KIF5A: variants seen among roughly 807,000 people sequenced by gnomAD.
KIF5A encodes the protein kinesin family member 5A.
A neutral mutation model predicts 141.3 loss-of-function variants in KIF5A; 35 were observed. The ratio of observed to expected loss-of-function variants is 0.25; its 90% CI spans 0.19 to 0.33. The LOEUF (loss-of-function observed/expected upper bound fraction) is 0.33. Ranked by LOEUF, KIF5A falls within the 10% of genes least tolerant of loss-of-function variation. KIF5A has a pLI of 1.00. For synonymous variants in KIF5A, 448 were observed against 500.2 expected (o/e 0.90, Z 1.39); for missense variants, 861 against 1,314.3 (o/e 0.66, Z 5.33).
At chr12:57,567,887 CT>C (rs538379606) in intron 8 of KIF5A, among the ~76,000 whole-genome samples, 260 of 140,916 alleles carry the variant, frequency 1.8e-3, no homozygotes, top group African/African-American at 2.7e-3. Flanking sequence ...GTCCTTGGCT[CT>C]TTTTTTTTTT....
rs1371488843 is a variant in KIF5A, at chr12:57,586,434, C to T, written c.*2253C>T. On this transcript the variant is annotated 3_prime_UTR_variant, in exon 29 of 29. Coordinates refer to ENST00000455537, the MANE Select transcript of KIF5A (RefSeq NM_004984.4). ...CACCAGAAGCTTCACACTACATCCT[C>T]CTCCTCCTCCTGCTCCCCACCTTCA... 1.3e-5 allele frequency: 2 copies of T among 152,470 alleles called. No homozygotes were observed. The highest frequency in any genetic ancestry group is 4.8e-5 in the African/African-American group (2 of 41,442). The allele number at this position is 152,470 out of a possible 1,614,324, so 9.4% of individuals were successfully genotyped here.
At chr12:57,566,768 A>C (rs11172250) in intron 6 of KIF5A, among the ~76,000 whole-genome samples, 2 of 150,962 alleles carry the variant, frequency 1.3e-5, no homozygotes, top group East Asian at 3.9e-4. Flanking sequence ...AAAGCAGGGC[A>C]TGGTGGCTCA....
intron 25 of KIF5A, 149 bp from the exon 26 acceptor site, chr12:57,581,721 C>G: frequency 8.2e-7 from 1 of 1,212,796 alleles, no homozygotes; most frequent in Non-Finnish European, 1.2e-6. Context: ...TGTCTGCCCT[C>G]CCAGCCTGTG....
Position 57,572,743 on chromosome 12 carries a change from AG to A in KIF5A, c.1716+18del. 6.2e-7 allele frequency: 1 copy of A among 1,614,222 alleles called. No homozygotes were observed. The highest frequency in any genetic ancestry group is 8.5e-7 in the Non-Finnish European group (1 of 1,180,018). ...ATTAAGCTGGTGAGTGGTGAGAGAC[AG>A]CAGCCTTGTTCAGGCTGGGCACTAG... On this transcript the variant is annotated intron_variant, in intron 15 of 28. Coordinates refer to ENST00000455537, the MANE Select transcript of KIF5A (RefSeq NM_004984.4). The surrounding 1 kb of genome is among the most constrained non-coding windows in gnomAD (Gnocchi z 4.2).
intron 24 of KIF5A, 89 bp downstream of exon 24, chr12:57,581,261 T>C: frequency 6.7e-7 from 1 of 1,498,296 alleles, no homozygotes. Context: ...TTATTGCTTC[T>C]TACCTACCCC....
chr12:57,571,188 A>G, intron 12 of KIF5A, 133 bp from the exon 13 acceptor site: 1 of 704,082 alleles, frequency 1.4e-6, no homozygotes. Context: ...TTCCTGTAGG[A>G]TATGGGGTTT....
At position 57,578,027 on chromosome 12, in the gene KIF5A, C is replaced by T; in HGVS notation, c.2380C>T (p.Leu794Phe). 1 of 1,614,070 alleles carries T rather than the reference C, an allele frequency of 6.2e-7. No homozygotes were observed. Among genetic ancestry groups the T allele is most frequent in the Non-Finnish European group, 8.5e-7 (1 of 1,179,992 alleles). The change falls in exon 22 of 29, where the codon CTC becomes TTC. Residue 794 changes from leucine to phenylalanine, a missense_variant. Leu to Phe is a conservative substitution (Grantham distance 22, BLOSUM62 0). Around this residue, in one of 5 missense-constraint regions of KIF5A, gnomAD observed 482 missense variants for 661.3 expected, o/e 0.73. Coordinates refer to ENST00000455537, the MANE Select transcript of KIF5A (RefSeq NM_004984.4). Reference sequence around the variant, plus strand: ...TTTCCAGGCCCGGGAACTCCAGACCCTCCACAACCTTCGCAAGCTGTTCGT... The same window carrying T: ...TTTCCAGGCCCGGGAACTCCAGACCTTCCACAACCTTCGCAAGCTGTTCGT... ...EETVARELQTLHNLRKLFVQD... is the reference protein window; with the variant it reads ...EETVARELQTFHNLRKLFVQD...
chr12:57,560,095 T>C (rs1159450794), intron 1 of KIF5A, among the ~76,000 whole-genome samples: 1 of 152,188 alleles, frequency 6.6e-6, no homozygotes, highest in Non-Finnish European at 1.5e-5. Flanking sequence ...TTTCACCATG[T>C]TGGCCAGGCT....
rs547075316 is a variant in KIF5A at position 57,568,660 on chromosome 12, G to C, written c.715-303G>C. 1.5e-4 allele frequency among the ~76,000 whole-genome samples: 23 copies of C among 152,204 alleles called. No individual in the cohort carries two copies. The East Asian group carries it at 2.9e-3, about 19-fold the overall frequency. On this transcript the variant is annotated intron_variant, in intron 8 of 28. Coordinates refer to ENST00000455537, the MANE Select transcript of KIF5A (RefSeq NM_004984.4). ...TAACCGCTTGAACCTGGGAGGCGGAGGTTGTGGTGAGCTGAGATCGCACCA... is the reference window on the plus strand; with the variant it reads ...TAACCGCTTGAACCTGGGAGGCGGACGTTGTGGTGAGCTGAGATCGCACCA...
chr12:57,579,965 C>T (rs908079470), intron 23 of KIF5A, among the ~76,000 whole-genome samples: 2 of 152,144 alleles, frequency 1.3e-5, no homozygotes, highest in Non-Finnish European at 2.9e-5. Context: ...CCTCAGCAGA[C>T]ACAAGAGTAA....
chr12:57,566,768 A>G (rs11172250), intron 6 of KIF5A, among the ~76,000 whole-genome samples: 69,314 of 151,026 alleles, frequency 0.46, 16,511 homozygotes, highest in East Asian at 0.77. Context: ...AAAGCAGGGC[A>G]TGGTGGCTCA....
intron 20 of KIF5A, 151 bp downstream of exon 20, chr12:57,577,013 A>C: frequency 3.1e-6 from 2 of 655,126 alleles, no homozygotes; most frequent in Non-Finnish European, 5.6e-6. Flanking sequence ...CCAAAAGGAC[A>C]CTCTCAGCAA....
Position 57,572,340 on chromosome 12 carries a change from C to T in KIF5A, c.1569+73C>T. On this transcript the variant is annotated intron_variant, in intron 14 of 28. Coordinates refer to ENST00000455537, the MANE Select transcript of KIF5A (RefSeq NM_004984.4). The surrounding 1 kb of genome is among the most constrained non-coding windows in gnomAD (Gnocchi z 4.2). Reference sequence around the variant, plus strand: ...TCCCATGTCGAGGGGACCTCTGCATCCTTCCAGGGCTGTATGGTGGCTGCA... The same window carrying T: ...TCCCATGTCGAGGGGACCTCTGCATTCTTCCAGGGCTGTATGGTGGCTGCA... 6.8e-7 allele frequency: 1 copy of T among 1,460,036 alleles called. No individual in the cohort carries two copies. Among genetic ancestry groups the T allele is most frequent in the Non-Finnish European group, 9.4e-7 (1 of 1,064,172 alleles). 90.4% of individuals were successfully genotyped at this position (1,460,036 alleles called of 1,614,324 possible). A position where few individuals can be genotyped will look rare whatever the true frequency, so the allele number is the denominator to read the frequency against.
At position 57,571,986 on chromosome 12, in the gene KIF5A, A is replaced by C. The variant is rs932999032; in HGVS notation, c.1363-75A>C. On this transcript the variant is annotated intron_variant, in intron 13 of 28. Transcript: ENST00000455537. ...TTTATTTTGGGTAGGGTGGGGGCTCAGCTTCCCAGACCCAAGGCCATAGAA... is the reference window on the plus strand; with the variant it reads ...TTTATTTTGGGTAGGGTGGGGGCTCCGCTTCCCAGACCCAAGGCCATAGAA... The C allele has an allele frequency of 9.2e-6, 12 of 1,304,016 alleles. 1 individual carries two copies. The Middle Eastern group carries it at 7.7e-4, about 84-fold the overall frequency. 80.8% of individuals were successfully genotyped at this position (1,304,016 alleles called of 1,614,324 possible).
chr12:57,577,772 T>C lies in KIF5A; in HGVS notation c.2360T>C (p.Val787Ala), dbSNP rs2140169303. Residue 787 changes from valine to alanine, a missense_variant and splice_region_variant, in exon 21 of 29, where the codon GTT becomes GCT. Physicochemically the swap from Val to Ala is moderately conservative, Grantham distance 64. This residue lies in a region of KIF5A where 482 missense variants were observed against 661.3 expected (regional missense o/e 0.73). Transcript: ENST00000455537. ...GACCTCAAGGGTCTGGAGGAGACAG[T>C]TGTGAGTGGTTCCCTTCTGTGCCAA... ...KQDLKGLEET[V>A]ARELQTLHNL... The C allele has an allele frequency of 2.5e-6, 4 of 1,612,566 alleles. No individual in the cohort carries two copies. The highest frequency in any genetic ancestry group is 2.2e-5 in the South Asian group (2 of 91,024).
chr12:57,568,763 G>T (rs1022685113), intron 8 of KIF5A, among the ~76,000 whole-genome samples, 200 bp from the exon 9 acceptor site: 11 of 152,068 alleles, frequency 7.2e-5, no homozygotes, highest in African/African-American at 2.7e-4. Flanking sequence ...TGTGGCAGGG[G>T]TTAGGGGCAA....
At chr12:57,581,278 C>A in intron 24 of KIF5A, 106 bp downstream of exon 24, 1 of 1,495,174 alleles carries the variant, frequency 6.7e-7, no homozygotes, top group South Asian at 1.2e-5. Flanking sequence ...CCCCTAGCCT[C>A]ATCCCACTTC....
At chr12:57,570,189 G>A in intron 12 of KIF5A, 27 bp downstream of exon 12, 2 of 1,609,970 alleles carry the variant, frequency 1.2e-6, no homozygotes, top group Non-Finnish European at 1.7e-6. Flanking sequence ...AGGGCACTGA[G>A]GCACGCCAGG....
chr12:57,555,324 T>C (rs541282900), intron 1 of KIF5A, among the ~76,000 whole-genome samples: 1 of 152,292 alleles, frequency 6.6e-6, no homozygotes, highest in South Asian at 2.1e-4. Context: ...CACTTTTCTC[T>C]AGGCACATTG....
Sources: gnomAD v4.1 joint callset for allele counts (sites outside exome capture counted in the v4.1 genomes callset) on GRCh38, gnomAD v4.1.1 for gene constraint, gnomAD v4.1.1 regional missense constraint, Gnocchi (gnomAD v3.1) non-coding constraint, MANE v1.5 for transcripts, NCBI Gene and HGNC (gene_info 2026-07-23, HGNC 2026-07-21) for gene names.